The following FGF12 variants were observed in gnomAD, a reference collection of about 807,000 sequenced individuals.
FGF12 encodes fibroblast growth factor 12B.
Under a neutral mutation model 23.6 loss-of-function variants are expected in FGF12, and 14 were observed. That is an observed-to-expected ratio of 0.59 (90% confidence interval 0.39 to 0.93). The LOEUF is 0.93. Ranked by LOEUF, FGF12 falls within the 40% of genes least tolerant of loss-of-function variation. The pLI, the probability that FGF12 is intolerant of heterozygous loss-of-function variation, is 0.00. For missense variants in FGF12, 175 were observed against 217.8 expected, an observed-to-expected ratio of 0.80 and a Z score of 1.24; for synonymous variants, 62 against 77.3, an observed-to-expected ratio of 0.80 and a Z score of 1.04.
intron 4 of FGF12, among the ~76,000 whole-genome samples, chr3:192,209,895 G>A (rs928868228): frequency 2.2e-4 from 33 of 152,160 alleles, no homozygotes; most frequent in African/African-American, 6.3e-4. Context: ...GGTTCTACAC[G>A]TGAACATTAG....
At chr3:192,662,330 AC>A (rs1716700954) in intron 2 of FGF12, among the ~76,000 whole-genome samples, 1 of 152,176 alleles carries the variant, frequency 6.6e-6, no homozygotes, top group Non-Finnish European at 1.5e-5. Flanking sequence ...GCTTATTTCC[AC>A]CATTCATTTT....
chr3:192,172,675 CACAT>C (rs1463900398), intron 4 of FGF12, among the ~76,000 whole-genome samples: 1 of 150,658 alleles, frequency 6.6e-6, no homozygotes, highest in African/African-American at 2.4e-5. Context: ...AACTGCAACT[CACAT>C]ACATTGCTGG....
At chr3:192,583,954 A>C (rs1402466018) in intron 2 of FGF12, among the ~76,000 whole-genome samples, 1 of 152,220 alleles carries the variant, frequency 6.6e-6, no homozygotes, top group Non-Finnish European at 1.5e-5. Context: ...TGACTTAAAA[A>C]AAATCTGAGC....
chr3:192,581,482 G>GTATATATATATATA, intron 2 of FGF12, among the ~76,000 whole-genome samples: 1 of 72,790 alleles, frequency 1.4e-5, no homozygotes, highest in South Asian at 5.0e-4. Context: ...ATATGTGTGT[G>GTATATATATATATA]TGTGTATATA....
intron 2 of FGF12, among the ~76,000 whole-genome samples, chr3:192,496,352 A>G (rs1393102179): frequency 6.6e-6 from 1 of 152,064 alleles, no homozygotes; most frequent in Non-Finnish European, 1.5e-5. Context: ...GGACAAGGCA[A>G]TCTGTTTGAC....
chr3:192,720,704 T>A (rs560638102), intron 2 of FGF12, among the ~76,000 whole-genome samples: 15 of 152,260 alleles, frequency 9.9e-5, no homozygotes, highest in African/African-American at 2.9e-4. Context: ...AAGAGGGTGG[T>A]AATAAAAGAC....
chr3:192,365,984 A>C (rs986451655), intron 2 of FGF12, among the ~76,000 whole-genome samples: 2 of 151,818 alleles, frequency 1.3e-5, no homozygotes, highest in Admixed American at 1.3e-4. Flanking sequence ...GGTAAAAAAA[A>C]AAAAAAAAAA....
intron 2 of FGF12, among the ~76,000 whole-genome samples, chr3:192,725,302 A>T (rs2108749913): frequency 1.3e-5 from 2 of 149,574 alleles, no homozygotes; most frequent in South Asian, 4.2e-4. Context: ...TTTTTTTCAG[A>T]GGCAATTATG....
chr3:192,346,450 T>C (rs1420339080), intron 3 of FGF12, among the ~76,000 whole-genome samples: 1 of 152,240 alleles, frequency 6.6e-6, no homozygotes, highest in Non-Finnish European at 1.5e-5. Flanking sequence ...AACTTGTTGA[T>C]CACTATGGCT....
intron 2 of FGF12, among the ~76,000 whole-genome samples, chr3:192,715,679 T>C (rs1032537563): frequency 2.6e-5 from 4 of 152,260 alleles, no homozygotes. Context: ...ACAGACAATG[T>C]GATGGTAAAA....
intron 4 of FGF12, among the ~76,000 whole-genome samples, chr3:192,269,140 C>T (rs1415914183): frequency 2.8e-5 from 4 of 142,268 alleles, no homozygotes. Context: ...GTCTCAAATT[C>T]CTGACCTCAA....
At chr3:192,438,778 T>C (rs573106369) in intron 2 of FGF12, among the ~76,000 whole-genome samples, 1 of 152,296 alleles carries the variant, frequency 6.6e-6, no homozygotes, top group Admixed American at 6.5e-5. Context: ...ACCAAGAAAG[T>C]CAGTTTGCAT....
Position 192,379,896 on chromosome 3 carries a change from T to C in FGF12, c.14-19358A>G, listed in dbSNP as rs1256085001. Among the ~76,000 whole-genome samples, 3 of 152,196 alleles carry C rather than the reference T, an allele frequency of 2.0e-5. No homozygotes were observed. In the East Asian group the frequency reaches 5.8e-4, roughly 29 times the overall value. ...TTTTTTACCTCTTTTGTTCTATGGC[T>C]TTAAAACAATAATGGTGGTAGTGAT... On this transcript the variant is annotated intron_variant, in intron 2 of 5. Transcript: ENST00000445105.
intron 4 of FGF12, among the ~76,000 whole-genome samples, chr3:192,197,057 C>G (rs1303231280): frequency 6.6e-6 from 1 of 152,118 alleles, no homozygotes; most frequent in Non-Finnish European, 1.5e-5. Context: ...TCAAAGATTT[C>G]CCTTAGAATT....
In FGF12 at chr3:192,144,856, C is replaced by CA. The variant is rs556267153; in HGVS notation, c.428-730dup. Among the ~76,000 whole-genome samples, 989 of 152,292 alleles carry CA rather than the reference C, an allele frequency of 6.5e-3. 15 individuals carry two copies. The highest frequency in any genetic ancestry group is 0.022 in the African/African-American group (931 of 41,550). Reference sequence around the variant, plus strand: ...AATTGTTTAGAAAGAACGATGTTTTCAAATTATTCAAGTTATTCTTACAAA... The same window carrying CA: ...AATTGTTTAGAAAGAACGATGTTTTCAAAATTATTCAAGTTATTCTTACAAA... On this transcript the variant is annotated intron_variant, in intron 5 of 5. Transcript: ENST00000445105.
intron 2 of FGF12, among the ~76,000 whole-genome samples, chr3:192,665,175 G>A (rs1716819109): frequency 6.6e-6 from 1 of 152,136 alleles, no homozygotes; most frequent in Non-Finnish European, 1.5e-5. Context: ...TTAGTAATAG[G>A]ATGGGGCAGG....
intron 2 of FGF12, among the ~76,000 whole-genome samples, chr3:192,722,781 G>A (rs755540261): frequency 6.6e-6 from 1 of 152,154 alleles, no homozygotes; most frequent in African/African-American, 2.4e-5. Context: ...AATGTTAAAG[G>A]CTCAGATTTT....
At chr3:192,517,706 T>C (rs192877442) in intron 2 of FGF12, among the ~76,000 whole-genome samples, 152 of 152,368 alleles carry the variant, frequency 1.0e-3, no homozygotes, top group African/African-American at 2.6e-3. Flanking sequence ...TGTAAGTATA[T>C]ATCAACATAA....
At chr3:192,497,841 A>G (rs1724008543) in intron 2 of FGF12, among the ~76,000 whole-genome samples, 1 of 152,176 alleles carries the variant, frequency 6.6e-6, no homozygotes, top group South Asian at 2.1e-4. Flanking sequence ...ACCACCTGAC[A>G]TTCTATTATA....
Sources: gnomAD v4.1 joint callset for allele counts (sites outside exome capture counted in the v4.1 genomes callset) on GRCh38, gnomAD v4.1.1 for gene constraint, MANE v1.5 for transcripts, NCBI Gene and HGNC (gene_info 2026-07-23, HGNC 2026-07-21) for gene names.